GABRG1: variants seen among roughly 807,000 people sequenced by gnomAD.
The protein encoded by GABRG1 is gamma-aminobutyric acid receptor subunit gamma-1.
A neutral mutation model predicts 49.8 loss-of-function variants in GABRG1; 49 were observed. The observed-to-expected ratio is 0.98, with a 90% CI of 0.78 to 1.25. The LOEUF (loss-of-function observed/expected upper bound fraction) is 1.25. Among genes scored for constraint, GABRG1 ranks in the 50% most tolerant of loss-of-function variants. The pLI is 0.00. For missense variants in GABRG1, 552 were observed against 552.3 expected (o/e 1.00, Z 0.01); for synonymous variants, 232 against 185.1 (o/e 1.25, Z -2.06).
At chr4:46,120,142 T>C (rs1327068824) in intron 1 of GABRG1, among the ~76,000 whole-genome samples, 19 of 151,632 alleles carry the variant, frequency 1.3e-4, no homozygotes. Flanking sequence ...TTAGATCTGT[T>C]GGTAAAGGCC....
chr4:46,097,055 T>C (rs1402011264), intron 2 of GABRG1, 146 bp downstream of exon 2: 7 of 657,186 alleles, frequency 1.1e-5, no homozygotes, highest in East Asian at 3.3e-5. Flanking sequence ...AAAACATTAG[T>C]GACCATTCTA....
At chr4:46,059,605 G>A (rs949826364) in intron 5 of GABRG1, among the ~76,000 whole-genome samples, 1 of 151,752 alleles carries the variant, frequency 6.6e-6, no homozygotes, top group Non-Finnish European at 1.5e-5. Flanking sequence ...TAGAGACAGG[G>A]TTTTGCCATG....
chr4:46,074,609 G>T (rs938617352), intron 3 of GABRG1, among the ~76,000 whole-genome samples: 1 of 152,026 alleles, frequency 6.6e-6, no homozygotes. Context: ...CAAAATGTCC[G>T]AAGTCAAGAT....
intron 1 of GABRG1, among the ~76,000 whole-genome samples, chr4:46,123,299 G>C (rs1721151033): frequency 6.6e-6 from 1 of 151,928 alleles, no homozygotes; most frequent in South Asian, 2.1e-4. Flanking sequence ...TTTTTAGCCA[G>C]ATTTACAATA....
intron 3 of GABRG1, among the ~76,000 whole-genome samples, chr4:46,081,283 A>G (rs1395628189): frequency 6.6e-6 from 1 of 151,860 alleles, no homozygotes; most frequent in Non-Finnish European, 1.5e-5. Flanking sequence ...CCTGAATCTT[A>G]GCCCCTAATT....
intron 8 of GABRG1, among the ~76,000 whole-genome samples, chr4:46,048,473 C>T (rs188962238): frequency 3.6e-4 from 52 of 145,064 alleles, no homozygotes; most frequent in African/African-American, 1.2e-3. Context: ...CTATATACTT[C>T]AGGGAAGCAT....
chr4:46,077,084 T>C (rs906143638), intron 3 of GABRG1, among the ~76,000 whole-genome samples: 8 of 145,098 alleles, frequency 5.5e-5, no homozygotes, highest in Admixed American at 2.9e-4. Flanking sequence ...CGTTAAATGT[T>C]GCATATTATT....
At chr4:46,084,337 T>C (rs1223529968) in intron 2 of GABRG1, among the ~76,000 whole-genome samples, 1 of 151,694 alleles carries the variant, frequency 6.6e-6, no homozygotes, top group African/African-American at 2.4e-5. Context: ...TAGTCATACA[T>C]GCTCAGTTAT....
chr4:46,054,075 G>A (rs1718350144), intron 7 of GABRG1, among the ~76,000 whole-genome samples: 1 of 39,498 alleles, frequency 2.5e-5, no homozygotes, highest in Non-Finnish European at 4.8e-5. Flanking sequence ...TGGCTAGCCA[G>A]TTTTCCCAGC....
At chr4:46,093,709 T>G (rs903768943) in intron 2 of GABRG1, among the ~76,000 whole-genome samples, 1 of 151,938 alleles carries the variant, frequency 6.6e-6, no homozygotes, top group Non-Finnish European at 1.5e-5. Context: ...ATGTACCCCA[T>G]AAATGTATAC....
At chr4:46,067,056 A>T (rs1382859886) in intron 3 of GABRG1, among the ~76,000 whole-genome samples, 2 of 151,936 alleles carry the variant, frequency 1.3e-5, no homozygotes, top group Non-Finnish European at 2.9e-5. Flanking sequence ...TTCCTGAAGG[A>T]AAATATTTAA....
At chr4:46,046,042 G>A (rs1467094123) in intron 8 of GABRG1, among the ~76,000 whole-genome samples, 2 of 152,166 alleles carry the variant, frequency 1.3e-5, no homozygotes, top group Admixed American at 1.3e-4. Flanking sequence ...TGGTTACAAT[G>A]TAGTTGATTC....
intron 5 of GABRG1, among the ~76,000 whole-genome samples, chr4:46,059,265 T>C (rs537719089): frequency 2.0e-5 from 3 of 152,274 alleles, no homozygotes; most frequent in South Asian, 2.1e-4. Flanking sequence ...TCCCGAAACG[T>C]GGCATGCAAT....
intron 7 of GABRG1, among the ~76,000 whole-genome samples, chr4:46,056,118 A>G (rs1718416053): frequency 3.3e-5 from 1 of 30,392 alleles, no homozygotes; most frequent in Non-Finnish European, 6.1e-5. Flanking sequence ...AAAAAAAAAA[A>G]GAAAGGAAAA....
At chr4:46,076,204 A>G (rs1719319135) in intron 3 of GABRG1, among the ~76,000 whole-genome samples, 1 of 151,470 alleles carries the variant, frequency 6.6e-6, no homozygotes, top group South Asian at 2.1e-4. Context: ...ACTAAAATCT[A>G]TATGAAAATA....
intron 8 of GABRG1, among the ~76,000 whole-genome samples, chr4:46,049,777 C>T (rs919928079): frequency 1.3e-5 from 2 of 151,872 alleles, no homozygotes; most frequent in African/African-American, 4.8e-5. Context: ...AGTAAGTGTG[C>T]CATTGGAACT....
chr4:46,106,458 G>A (rs1720549773), intron 1 of GABRG1, among the ~76,000 whole-genome samples: 1 of 151,484 alleles, frequency 6.6e-6, no homozygotes, highest in Non-Finnish European at 1.5e-5. Flanking sequence ...CTTTGACAAA[G>A]AGTTAGAAAA....
At chr4:46,120,065 A>G (rs1300668876) in intron 1 of GABRG1, among the ~76,000 whole-genome samples, 2 of 151,666 alleles carry the variant, frequency 1.3e-5, no homozygotes, top group Non-Finnish European at 3.0e-5. Context: ...ACACTAATGA[A>G]GATTTTCTGC....
Position 46,051,291 on chromosome 4 carries a change from G to C in GABRG1, c.1131+133C>G, listed in dbSNP as rs1577632254. 5 of 662,840 alleles carry C rather than the reference G, an allele frequency of 7.5e-6. No individual in the cohort carries two copies. In the East Asian group the frequency reaches 1.4e-4, roughly 18 times the overall value. The allele number at this position is 662,840 out of a possible 1,614,324, so 41.1% of individuals were successfully genotyped here. On this transcript the variant is annotated intron_variant, in intron 8 of 8. Coordinates refer to ENST00000295452, the MANE Select transcript of GABRG1 (RefSeq NM_173536.4). ...TTGGTGAGCAATGTTAGGTACTCCAGTTTCATCTTAACTTTGTCTTTGGTT... is the reference window on the plus strand; with the variant it reads ...TTGGTGAGCAATGTTAGGTACTCCACTTTCATCTTAACTTTGTCTTTGGTT...
Sources: allele counts gnomAD v4.1 joint callset (sites outside exome capture counted in the v4.1 genomes callset), GRCh38; gene constraint gnomAD v4.1.1; transcripts MANE v1.5; gene names NCBI Gene and HGNC (gene_info 2026-07-23, HGNC 2026-07-21).